SCN3A: variants seen among roughly 807,000 people sequenced by gnomAD.
SCN3A encodes the protein sodium channel protein type 3 subunit alpha.
In SCN3A, 60 loss-of-function variants were observed where a neutral mutation model predicts 187.6. The ratio of observed to expected loss-of-function variants is 0.32; its 90% CI spans 0.26 to 0.40. The LOEUF (loss-of-function observed/expected upper bound fraction) is 0.40, where lower values mean the gene tolerates loss of function less well. Among genes scored for constraint, SCN3A ranks in the 10% least tolerant of loss-of-function variants. The pLI is 1.00. For missense variants in SCN3A, 1,601 were observed against 2,428.2 expected (o/e 0.66, Z 7.16); for synonymous variants, 788 against 829.2 (o/e 0.95, Z 0.85).
intron 2 of SCN3A, among the ~76,000 whole-genome samples, chr2:165,178,517 A>G (rs1225889645): frequency 1.3e-5 from 2 of 152,196 alleles, no homozygotes; most frequent in Admixed American, 1.3e-4. Flanking sequence ...GCGGTGAGCC[A>G]ATGCACTGGG....
Position 165,093,357 on chromosome 2 carries a change from T to C in SCN3A, c.4537-833A>G, listed in dbSNP as rs577626192. ...GTATGGGCTTGTTAATTTATCTGTA[T>C]TTCTTTCCATCTGTCCTTCTTTACC... On this transcript the variant is annotated intron_variant, in intron 26 of 27. Transcript: ENST00000283254. The C allele has an allele frequency of 3.3e-5, 5 of 152,312 alleles. No homozygotes were observed. In the South Asian group the frequency reaches 8.3e-4, roughly 25 times the overall value. The allele number at this position is 152,312 out of a possible 1,614,324, so 9.4% of individuals were successfully genotyped here. A position where few individuals can be genotyped will look rare whatever the true frequency, so the allele number is the denominator to read the frequency against.
rs112457070 is a variant in SCN3A at position 165,140,746 on chromosome 2, C to A, written c.1924G>T (p.Gly642Trp). The change falls in exon 13 of 28, where the codon GGG becomes TGG. Residue 642 changes from glycine to tryptophan, a missense_variant. Gly to Trp is a radical substitution (Grantham distance 184, BLOSUM62 -2). This residue lies in a region of SCN3A where 376 missense variants were observed against 476.0 expected (regional missense o/e 0.79). Transcript: ENST00000283254. The surrounding 1 kb of genome is among the most constrained non-coding windows in gnomAD (Gnocchi z 4.2). The part of the protein sequence containing the change: ...SRMVPGLPAN[G>W]KMHSTVDCNG... ...CAATCCACAGTGCTGTGCATCTTCC[C>A]ATTTGCTGGAAGCCCTGGCACCATC... 9.9e-6 allele frequency: 16 copies of A among 1,614,010 alleles called. No individual in the cohort carries two copies. The highest frequency in any genetic ancestry group is 3.3e-5 in the Admixed American group (2 of 59,988).
chr2:165,200,869 A>G (rs1351557363), intron 1 of SCN3A, among the ~76,000 whole-genome samples: 1 of 152,118 alleles, frequency 6.6e-6, no homozygotes. Flanking sequence ...GGGATTTTGC[A>G]GTCCATCAAC....
chr2:165,191,783 A>G (rs1691630702), intron 1 of SCN3A, among the ~76,000 whole-genome samples: 1 of 152,204 alleles, frequency 6.6e-6, no homozygotes, highest in Non-Finnish European at 1.5e-5. Context: ...GAAACAGCAC[A>G]GGGGCTGGAA....
intron 11 of SCN3A, among the ~76,000 whole-genome samples, chr2:165,148,711 C>A (rs1017476654): frequency 7.2e-5 from 11 of 151,814 alleles, no homozygotes; most frequent in Non-Finnish European, 1.3e-4. Flanking sequence ...TGATATAAGA[C>A]AATACCCAGC....
At chr2:165,181,164 G>A (rs1690829248) in intron 2 of SCN3A, among the ~76,000 whole-genome samples, 1 of 152,148 alleles carries the variant, frequency 6.6e-6, no homozygotes, top group Admixed American at 6.6e-5. Flanking sequence ...TCTGTGTTCA[G>A]TCTGATAGAA....
intron 9 of SCN3A, among the ~76,000 whole-genome samples, chr2:165,160,643 A>T (rs889465954): frequency 3.3e-5 from 5 of 151,844 alleles, no homozygotes; most frequent in South Asian, 2.1e-4. Flanking sequence ...TAAATTTATT[A>T]AAAAAATTTT....
At chr2:165,201,356 A>C (rs1216270467) in intron 1 of SCN3A, among the ~76,000 whole-genome samples, 4 of 152,068 alleles carry the variant, frequency 2.6e-5, no homozygotes, top group Admixed American at 6.6e-5. Context: ...ATTATTTGGC[A>C]GTTTTATTCT....
At chr2:165,118,578 T>C (rs1244938373) in intron 18 of SCN3A, among the ~76,000 whole-genome samples, 6 of 152,152 alleles carry the variant, frequency 3.9e-5, no homozygotes, top group Non-Finnish European at 5.9e-5. Flanking sequence ...GCCTCAGTCA[T>C]GATTTAATCT....
chr2:165,100,471 T>C, intron 21 of SCN3A, 47 bp from the exon 22 acceptor site: 3 of 1,589,252 alleles, frequency 1.9e-6, no homozygotes, highest in East Asian at 2.2e-5. Context: ...AAATAAACTG[T>C]TGACTGAAGG....
rs1685160513 is a variant in SCN3A at position 165,092,599 on chromosome 2, A to T, written c.4537-75T>A. The T allele has an allele frequency of 8.5e-6, 12 of 1,416,024 alleles. No homozygotes were observed. The highest frequency in any genetic ancestry group is 1.2e-5 in the Non-Finnish European group (12 of 1,009,074). 87.7% of individuals were successfully genotyped at this position (1,416,024 alleles called of 1,614,324 possible). ...AATAATGCAGTAAAATTGTAGATAA[A>T]GCCCTTCCACATACGGGATGGATGT... is the stretch of plus-strand genomic sequence containing the variant. On this transcript the variant is annotated intron_variant, in intron 26 of 27. Transcript: ENST00000283254. This position sits in a 1 kb window ranked among gnomAD's most constrained non-coding sequence, Gnocchi z 4.2.
chr2:165,161,099 T>TTTTTCTTCTTC (rs1211314409), intron 9 of SCN3A, among the ~76,000 whole-genome samples: 5 of 151,664 alleles, frequency 3.3e-5, no homozygotes, highest in Admixed American at 1.3e-4. Context: ...AGTTTTTCTT[T>TTTTTCTTCTTC]TTTTCTTCTT....
At chr2:165,200,513 A>G (rs1384537916) in intron 1 of SCN3A, among the ~76,000 whole-genome samples, 4 of 152,076 alleles carry the variant, frequency 2.6e-5, no homozygotes, top group African/African-American at 9.7e-5. Context: ...AGAACTCGTA[A>G]GAGCTGGGAG....
chr2:165,203,273 A>G (rs948718953), intron 1 of SCN3A, among the ~76,000 whole-genome samples: 2 of 152,006 alleles, frequency 1.3e-5, no homozygotes, highest in South Asian at 4.1e-4. Context: ...ACCTCTTTTA[A>G]ATGGTTAGTA....
rs1574158720 is a variant in SCN3A at position 165,127,882 on chromosome 2, A to AATAAT, written c.3141_3142insATTAT (p.Cys1048IlefsTer12). The AATAAT allele has an allele frequency of 7.4e-6, 12 of 1,614,064 alleles. No individual in the cohort carries two copies. The East Asian group carries it at 2.7e-4, about 36-fold the overall frequency. On this transcript the variant is annotated frameshift_variant, in exon 18 of 28. Coordinates refer to ENST00000283254, the MANE Select transcript of SCN3A (RefSeq NM_006922.4). LOFTEE classifies it high-confidence loss of function. Reference sequence around the variant, plus strand: ...TCAATTCCAGTATTATTGGACATGCAGCTGTCTATCTTATTGCCTTCATGG... The same window carrying AATAAT: ...TCAATTCCAGTATTATTGGACATGCAATAATGCTGTCTATCTTATTGCCTTCATGG...
In SCN3A at chr2:165,090,001, C is replaced by G. The variant is rs1374066267; in HGVS notation, c.*149G>C. The G allele has an allele frequency of 2.3e-5, 24 of 1,049,986 alleles. No individual in the cohort carries two copies. Among genetic ancestry groups the G allele is most frequent in the Non-Finnish European group, 3.2e-5 (24 of 740,702 alleles). 65.0% of individuals were successfully genotyped at this position (1,049,986 alleles called of 1,614,324 possible). ...CACAGAGTTGCAGTGACAGAGAGGTCACTTCACTGTCTTGTATAGGCACTG... is the reference window on the plus strand; with the variant it reads ...CACAGAGTTGCAGTGACAGAGAGGTGACTTCACTGTCTTGTATAGGCACTG... On this transcript the variant is annotated 3_prime_UTR_variant, in exon 28 of 28. Coordinates refer to ENST00000283254, the MANE Select transcript of SCN3A (RefSeq NM_006922.4). The surrounding 1 kb of genome is among the most constrained non-coding windows in gnomAD (Gnocchi z 4.0).
chr2:165,164,616 C>T, intron 5 of SCN3A, 96 bp from the exon 6 acceptor site: 1 of 1,361,756 alleles, frequency 7.3e-7, no homozygotes, highest in Non-Finnish European at 1.0e-6. Context: ...TGTGGTTTTT[C>T]AATTCATTAA....
At chr2:165,191,184 T>G (rs1691586436) in intron 1 of SCN3A, among the ~76,000 whole-genome samples, 1 of 151,448 alleles carries the variant, frequency 6.6e-6, no homozygotes, top group African/African-American at 2.4e-5. Context: ...TTTGATGCCC[T>G]ATGGTGTAAT....
chr2:165,157,847 C>T (rs1414089030), intron 9 of SCN3A, among the ~76,000 whole-genome samples: 1 of 152,126 alleles, frequency 6.6e-6, no homozygotes, highest in African/African-American at 2.4e-5. Context: ...ATGGCTTCAT[C>T]TTTGGCCACT....
Sources: gnomAD v4.1 joint callset for allele counts (sites outside exome capture counted in the v4.1 genomes callset) on GRCh38, gnomAD v4.1.1 for gene constraint, gnomAD v4.1.1 regional missense constraint, Gnocchi (gnomAD v3.1) non-coding constraint, MANE v1.5 for transcripts, NCBI Gene and HGNC (gene_info 2026-07-23, HGNC 2026-07-21) for gene names.